ITPR1: variants seen among roughly 807,000 people sequenced by gnomAD.
ITPR1 encodes inositol 1,4,5-trisphosphate receptor type 1.
A neutral mutation model predicts 318.4 loss-of-function variants in ITPR1; 96 were observed. That is an observed-to-expected ratio of 0.30 (90% CI 0.26 to 0.36). ITPR1 has a LOEUF of 0.36. Ranked by LOEUF, ITPR1 falls within the 10% of genes least tolerant of loss-of-function variation. ITPR1 has a pLI of 1.00. For missense variants in ITPR1, 2,440 were observed against 3,460.2 expected, an observed-to-expected ratio of 0.71 and a Z score of 7.40; for synonymous variants, 1,312 against 1,289.9, an observed-to-expected ratio of 1.02 and a Z score of -0.37.
intron 37 of ITPR1, among the ~76,000 whole-genome samples, chr3:4,708,464 C>T (rs2094804416): frequency 6.6e-6 from 1 of 152,190 alleles, no homozygotes; most frequent in African/African-American, 2.4e-5. Context: ...TATCATAACA[C>T]AACCAGTTCT....
At chr3:4,542,544 T>C (rs923783237) in intron 4 of ITPR1, among the ~76,000 whole-genome samples, 1 of 152,210 alleles carries the variant, frequency 6.6e-6, no homozygotes, top group Non-Finnish European at 1.5e-5. Flanking sequence ...GGGTAACTTA[T>C]TTATCTTGAC....
At chr3:4,672,154 T>A (rs1198354610) in intron 20 of ITPR1, among the ~76,000 whole-genome samples, 2 of 152,246 alleles carry the variant, frequency 1.3e-5, no homozygotes, top group African/African-American at 4.8e-5. Flanking sequence ...TCTGAGTATA[T>A]GTATGAATTT....
intron 4 of ITPR1, among the ~76,000 whole-genome samples, chr3:4,623,383 A>AT (rs1031563472): frequency 3.9e-5 from 6 of 152,142 alleles, no homozygotes; most frequent in African/African-American, 1.2e-4. Context: ...TTCCACCATA[A>AT]TTTTTTGAAA....
At chr3:4,839,951 T>G (rs1393334466) in intron 61 of ITPR1, among the ~76,000 whole-genome samples, 2 of 151,444 alleles carry the variant, frequency 1.3e-5, no homozygotes, top group Admixed American at 6.6e-5. Flanking sequence ...CAGTAGTACA[T>G]TCTCAAGTGC....
intron 3 of ITPR1, among the ~76,000 whole-genome samples, chr3:4,517,324 T>C (rs991529643): frequency 3.3e-5 from 5 of 152,178 alleles, no homozygotes; most frequent in Non-Finnish European, 7.3e-5. Context: ...TATATTGTCT[T>C]TGTGTAGAAA....
At chr3:4,671,449 T>A (rs906540366) in intron 20 of ITPR1, 2 of 152,316 alleles carry the variant, frequency 1.3e-5, no homozygotes, top group Non-Finnish European at 2.9e-5. Context: ...GTACTTACAC[T>A]AATACTTCCA....
chr3:4,497,129 G>C (rs576207439), intron 2 of ITPR1, among the ~76,000 whole-genome samples: 1 of 152,054 alleles, frequency 6.6e-6, no homozygotes, highest in Non-Finnish European at 1.5e-5. Context: ...ATTAAGGCTT[G>C]AAGTCGGTGA....
intron 4 of ITPR1, among the ~76,000 whole-genome samples, chr3:4,544,815 A>G (rs2084806246): frequency 1.3e-5 from 2 of 152,118 alleles, no homozygotes; most frequent in South Asian, 4.1e-4. Flanking sequence ...TATTTTTTAG[A>G]CAGGGTCTTA....
intron 39 of ITPR1, among the ~76,000 whole-genome samples, chr3:4,714,579 G>A (rs76788411): frequency 0.017 from 2,649 of 152,258 alleles, 76 homozygotes; most frequent in African/African-American, 0.061. Flanking sequence ...CAAGACTACC[G>A]TCTGGGTTTC....
At chr3:4,766,155 A>T (rs1191425870) in intron 44 of ITPR1, among the ~76,000 whole-genome samples, 1 of 152,158 alleles carries the variant, frequency 6.6e-6, no homozygotes, top group Non-Finnish European at 1.5e-5. Context: ...CCCTTAAACA[A>T]ATGATTGGCC....
chr3:4,676,380 A>G (rs2094185973), intron 23 of ITPR1, among the ~76,000 whole-genome samples: 1 of 152,116 alleles, frequency 6.6e-6, no homozygotes, highest in African/African-American at 2.4e-5. Flanking sequence ...TTGATGGGCA[A>G]GTTAGTGCAC....
intron 60 of ITPR1, among the ~76,000 whole-genome samples, chr3:4,823,551 A>G (rs927550401): frequency 3.9e-5 from 6 of 152,160 alleles, no homozygotes; most frequent in Non-Finnish European, 8.8e-5. Flanking sequence ...AAATAAGCCA[A>G]GCACAAAAAG....
intron 4 of ITPR1, among the ~76,000 whole-genome samples, chr3:4,522,494 A>G (rs2082643815): frequency 6.6e-6 from 1 of 152,192 alleles, no homozygotes; most frequent in Admixed American, 6.5e-5. Flanking sequence ...GACAATCAGG[A>G]GAATGTTTTC....
chr3:4,648,970 A>G (rs1000569937), intron 10 of ITPR1, among the ~76,000 whole-genome samples: 2 of 152,208 alleles, frequency 1.3e-5, no homozygotes, highest in Non-Finnish European at 2.9e-5. Flanking sequence ...CTTGAGAGGC[A>G]GAATTTGGTC....
In ITPR1 at chr3:4,683,570, G is replaced by A. The variant is rs372294221; in HGVS notation, c.3327+19G>A. 2.0e-4 allele frequency: 322 copies of A among 1,613,594 alleles called. No individual in the cohort carries two copies. The highest frequency in any genetic ancestry group is 2.5e-4 in the Non-Finnish European group (294 of 1,179,606). On this transcript the variant is annotated intron_variant, in intron 27 of 61. Coordinates refer to ENST00000649015, the MANE Select transcript of ITPR1 (RefSeq NM_001378452.1). ...CAAACAGGTAGCTCAGGTCACCCAC[G>A]TGTGTGTTGTCTGTCCAAGAAGCTG...
At chr3:4,806,527 G>T (rs187668623) in intron 55 of ITPR1, among the ~76,000 whole-genome samples, 111 of 152,332 alleles carry the variant, frequency 7.3e-4, no homozygotes, top group African/African-American at 2.6e-3. Flanking sequence ...AATGGAACAT[G>T]CCTGTAGTAG....
intron 4 of ITPR1, among the ~76,000 whole-genome samples, chr3:4,581,959 TTA>T (rs1491461740): frequency 8.6e-5 from 13 of 151,850 alleles, no homozygotes; most frequent in African/African-American, 3.2e-4. Flanking sequence ...TTTTTTTTTT[TTA>T]AAAAGGAAAA....
intron 4 of ITPR1, among the ~76,000 whole-genome samples, chr3:4,532,884 AAAG>A (rs2083535072): frequency 1.3e-5 from 2 of 152,232 alleles, no homozygotes; most frequent in Admixed American, 6.5e-5. Context: ...GCAGTTACTC[AAAG>A]AAGAGGCCTG....
At position 4,766,644 on chromosome 3, in the gene ITPR1, A is replaced by G; in HGVS notation, c.5659A>G (p.Thr1887Ala). Residue 1887 changes from threonine to alanine, a missense_variant, in exon 45 of 62, where the codon ACC becomes GCC. Thr to Ala is a moderately conservative substitution (Grantham distance 58, BLOSUM62 0). Transcript: ENST00000649015. Reference protein sequence around the residue: ...QEIKATVTVNTSDLGNKKKDD... With the variant: ...QEIKATVTVNASDLGNKKKDD... ...AATCAAAGCAACAGTGACAGTGAAC[A>G]CCAGTGACTTGGGAAATAAAAAGAA... 3 of 1,613,542 alleles carry G rather than the reference A, an allele frequency of 1.9e-6. No individual in the cohort carries two copies. Among genetic ancestry groups the G allele is most frequent in the Non-Finnish European group, 2.5e-6 (3 of 1,179,652 alleles).
Sources: allele counts gnomAD v4.1 joint callset (sites outside exome capture counted in the v4.1 genomes callset), GRCh38; gene constraint gnomAD v4.1.1; transcripts MANE v1.5; gene names NCBI Gene and HGNC (gene_info 2026-07-23, HGNC 2026-07-21).